The following TNS1 variants were observed in gnomAD, a reference collection of about 807,000 sequenced individuals.
TNS1 encodes the protein tensin 1.
In TNS1, 62 loss-of-function variants were observed where a neutral mutation model predicts 168.6. The ratio of observed to expected loss-of-function variants is 0.37; its 90% CI spans 0.30 to 0.45. TNS1 has a LOEUF of 0.45. TNS1 is among the 20% of genes least tolerant of loss of function. TNS1 has a pLI of 1.00. For synonymous variants in TNS1, 934 were observed against 933.2 expected, an observed-to-expected ratio of 1.00 and a Z score of -0.02; for missense variants, 2,240 against 2,339.4, an observed-to-expected ratio of 0.96 and a Z score of 0.88.
At chr2:217,928,783 T>G (rs760851803) in intron 3 of TNS1, among the ~76,000 whole-genome samples, 1 of 151,922 alleles carries the variant, frequency 6.6e-6, no homozygotes, top group Non-Finnish European at 1.5e-5. Flanking sequence ...TCCTCTTCCA[T>G]TTCCTCTTCT....
chr2:217,977,631 C>T (rs1204522763), intron 3 of TNS1, among the ~76,000 whole-genome samples: 1 of 151,916 alleles, frequency 6.6e-6, no homozygotes, highest in Non-Finnish European at 1.5e-5. Context: ...TACATTACCT[C>T]ATTGAATTCT....
At chr2:218,031,440 T>C (rs1301327670) in intron 1 of TNS1, among the ~76,000 whole-genome samples, 1 of 150,048 alleles carries the variant, frequency 6.7e-6, no homozygotes, top group East Asian at 2.0e-4. Flanking sequence ...TGTGTGTGCA[T>C]GTGTGTATGA....
intron 18 of TNS1, among the ~76,000 whole-genome samples, chr2:217,855,139 A>G (rs1427758356): frequency 6.6e-6 from 1 of 152,114 alleles, no homozygotes. Context: ...GGTAAAGCCC[A>G]ACCCCCACGC....
chr2:218,006,552 G>T (rs1211949753), upstream of TNS1, among the ~76,000 whole-genome samples: 1 of 152,232 alleles, frequency 6.6e-6, no homozygotes, highest in Non-Finnish European at 1.5e-5. Context: ...AAGCTGGAAA[G>T]GTCTTCAAGC....
chr2:217,965,974 G>A (rs1013612212), intron 3 of TNS1, among the ~76,000 whole-genome samples: 1 of 151,520 alleles, frequency 6.6e-6, no homozygotes, highest in East Asian at 1.9e-4. Context: ...GCTTCATCCA[G>A]CATCCTGTTC....
At chr2:217,935,156 G>A (rs1047322475) in intron 3 of TNS1, among the ~76,000 whole-genome samples, 1 of 152,192 alleles carries the variant, frequency 6.6e-6, no homozygotes, top group African/African-American at 2.4e-5. Flanking sequence ...TGCTGAAGAC[G>A]GGAGATCTGA....
At chr2:217,910,485 G>A (rs1020626067) in intron 4 of TNS1, among the ~76,000 whole-genome samples, 1 of 151,974 alleles carries the variant, frequency 6.6e-6, no homozygotes, top group Non-Finnish European at 1.5e-5. Flanking sequence ...CCAGCCTTGG[G>A]GCTACTGGGA....
chr2:217,907,297 C>G, intron 4 of TNS1, 46 bp from the exon 5 acceptor site: 1 of 702,536 alleles, frequency 1.4e-6, no homozygotes, highest in Non-Finnish European at 2.6e-6. Flanking sequence ...GGCAGACATC[C>G]CAGGGATGGG....
intron 3 of TNS1, among the ~76,000 whole-genome samples, chr2:217,934,923 G>C (rs1956522654): frequency 6.6e-6 from 1 of 152,216 alleles, no homozygotes; most frequent in East Asian, 1.9e-4. Context: ...CTGCTGAAAA[G>C]AGAGAACGCC....
intron 4 of TNS1, among the ~76,000 whole-genome samples, chr2:217,915,121 G>T (rs1954854794): frequency 6.6e-6 from 1 of 152,188 alleles, no homozygotes; most frequent in South Asian, 2.1e-4. Flanking sequence ...CCCATGGCCT[G>T]CCCAGTGCCT....
intron 13 of TNS1, 97 bp from the exon 14 acceptor site, chr2:217,886,201 G>C: frequency 1.5e-6 from 2 of 1,299,666 alleles, no homozygotes; most frequent in Non-Finnish European, 2.2e-6. Context: ...AAGGAAGGAA[G>C]AAATGGGGGA....
chr2:217,880,934 C>T lies in TNS1; in HGVS notation c.1393G>A (p.Asp465Asn), dbSNP rs1335007751. The part of the protein sequence containing the change: ...SDPLIRWDSY[D>N]NFSGHRDDGM... ...TCATCTCGATGCCCACTGAAGTTGT[C>T]GTAGGAGTCCCAGCGGATGAGGGGG... The change falls in exon 18 of 33, where the codon GAC becomes AAC. Residue 465 changes from aspartate to asparagine, a missense_variant. By Grantham distance (23) the Asp-to-Asn change is conservative (BLOSUM62 1). This residue lies in a region of TNS1 where 2,131 missense variants were observed against 2,171.2 expected (regional missense o/e 0.98). Coordinates refer to ENST00000682258, the MANE Select transcript of TNS1 (RefSeq NM_001387777.1). The surrounding 1 kb of genome is among the most constrained non-coding windows in gnomAD (Gnocchi z 4.2). The T allele has an allele frequency of 1.2e-6, 2 of 1,614,086 alleles. No homozygotes were observed. Among genetic ancestry groups the T allele is most frequent in the Admixed American group, 1.7e-5 (1 of 60,016 alleles).
chr2:217,886,876 G>A (rs1306612318), intron 12 of TNS1, among the ~76,000 whole-genome samples: 1 of 152,152 alleles, frequency 6.6e-6, no homozygotes, highest in African/African-American at 2.4e-5. Flanking sequence ...GCTGGGTCAA[G>A]TCAAGCATCC....
chr2:217,814,493 C>A (rs1040373069), intron 25 of TNS1, among the ~76,000 whole-genome samples: 6 of 152,182 alleles, frequency 3.9e-5, no homozygotes, highest in Non-Finnish European at 5.9e-5. Context: ...AGGCAGCATC[C>A]AGATTTGACC....
chr2:217,885,653 C>T (rs975316419), intron 15 of TNS1, 91 bp downstream of exon 15: 12 of 1,364,024 alleles, frequency 8.8e-6, no homozygotes, highest in African/African-American at 8.7e-5. Context: ...AGGAGGAGTA[C>T]CTGTCTTGTC....
In TNS1 at chr2:217,848,718, G is replaced by A. The variant is rs759870939; in HGVS notation, c.1799C>T (p.Ser600Phe). Reference protein sequence around the residue: ...SRPAGGSAVPSSGRHVVPAQV... With the variant: ...SRPAGGSAVPFSGRHVVPAQV... ...GGCTGGGACAACGTGGCGTCCAGAG[G>A]AGGGCACAGCCGAGCCCCCTGCTGG... Residue 600 changes from serine to phenylalanine, a missense_variant, in exon 19 of 33, where the codon TCC becomes TTC. Coordinates refer to ENST00000682258, the MANE Select transcript of TNS1 (RefSeq NM_001387777.1). The A allele has an allele frequency of 1.2e-6, 2 of 1,614,226 alleles. No homozygotes were observed. The highest frequency in any genetic ancestry group is 4.5e-5 in the East Asian group (2 of 44,882).
At position 217,804,204 on chromosome 2, in the gene TNS1, GT is replaced by G; in HGVS notation, c.*254del. On this transcript the variant is annotated 3_prime_UTR_variant, in exon 33 of 33. Transcript: ENST00000682258. ...ACCTGGTTAGTTTTGGAGGCTTTGG[GT>G]TTTTGCAGTTTCCATCTACCCAGGG... 1 of 456,670 alleles carries G rather than the reference GT, an allele frequency of 2.2e-6. No individual in the cohort carries two copies. The highest frequency in any genetic ancestry group is 3.9e-6 in the Non-Finnish European group (1 of 257,124). The allele number at this position is 456,670 out of a possible 1,614,324, so 28.3% of individuals were successfully genotyped here. A position where few individuals can be genotyped will look rare whatever the true frequency, so the allele number is the denominator to read the frequency against.
At chr2:217,946,963 T>TCACACACACA (rs1340630921) in intron 3 of TNS1, among the ~76,000 whole-genome samples, 54 of 132,444 alleles carry the variant, frequency 4.1e-4, no homozygotes, top group African/African-American at 1.8e-3. Context: ...TCTCTCTCTC[T>TCACACACACA]CTCTCTCACA....
intron 3 of TNS1, among the ~76,000 whole-genome samples, chr2:217,958,630 G>A (rs755768965): frequency 3.9e-5 from 6 of 152,220 alleles, no homozygotes; most frequent in Non-Finnish European, 7.3e-5. Flanking sequence ...GGTAAAGTGT[G>A]ACTGAGAGAG....
Sources: allele counts gnomAD v4.1 joint callset (sites outside exome capture counted in the v4.1 genomes callset), GRCh38; gene constraint gnomAD v4.1.1; regional missense constraint gnomAD v4.1.1; non-coding constraint Gnocchi (gnomAD v3.1); transcripts MANE v1.5; gene names NCBI Gene and HGNC (gene_info 2026-07-23, HGNC 2026-07-21).